The following MARCHF7 variants were observed in gnomAD, a reference collection of about 807,000 sequenced individuals.
The protein encoded by MARCHF7 is E3 ubiquitin-protein ligase MARCHF7.
Under a neutral mutation model 76.5 loss-of-function variants are expected in MARCHF7, and 20 were observed. The ratio of observed to expected loss-of-function variants is 0.26; its 90% confidence interval spans 0.18 to 0.38. The LOEUF (loss-of-function observed/expected upper bound fraction) is 0.38. MARCHF7 is among the 10% of genes least tolerant of loss of function. The pLI is 1.00. For synonymous variants in MARCHF7, 295 were observed against 293.0 expected, an observed-to-expected ratio of 1.01 and a Z score of -0.07; for missense variants, 797 against 812.9, an observed-to-expected ratio of 0.98 and a Z score of 0.24.
chr2:159,738,733 C>A (rs767134584), intron 4 of MARCHF7, among the ~76,000 whole-genome samples: 4 of 152,166 alleles, frequency 2.6e-5, no homozygotes, highest in African/African-American at 4.8e-5. Context: ...AATGGGTGGG[C>A]CTGGGATAAG....
chr2:159,756,010 C>A (rs947076539), intron 8 of MARCHF7, among the ~76,000 whole-genome samples: 3 of 152,158 alleles, frequency 2.0e-5, no homozygotes, highest in Admixed American at 6.5e-5. Flanking sequence ...CTGGAACTGC[C>A]TTTTCTCTGA....
intron 8 of MARCHF7, among the ~76,000 whole-genome samples, chr2:159,755,459 A>T (rs1706178225): frequency 6.6e-6 from 1 of 152,168 alleles, no homozygotes; most frequent in South Asian, 2.1e-4. Flanking sequence ...GGGAATTAAG[A>T]TTTGAAAACA....
At position 159,762,864 on chromosome 2, in the gene MARCHF7, T is replaced by G; in HGVS notation, c.1894-16T>G. 1 of 1,527,412 alleles carries G rather than the reference T, an allele frequency of 6.5e-7. No individual in the cohort carries two copies. The highest frequency in any genetic ancestry group is 9.0e-7 in the Non-Finnish European group (1 of 1,114,208). 94.6% of individuals were successfully genotyped at this position (1,527,412 alleles called of 1,614,324 possible). ...CTCTGTATTTTTCTTTTCTCCTGTT[T>G]GCTTCCCTGTTGAAGGCTGAGTATG... On this transcript the variant is annotated splice_polypyrimidine_tract_variant and intron_variant, in intron 9 of 11. Coordinates refer to ENST00000409175, the MANE Select transcript of MARCHF7 (RefSeq NM_001282805.2).
chr2:159,764,255 T>TGTGTGTGTGTGTGTGTGTGTGCGCGC (rs10592175), intron 10 of MARCHF7, among the ~76,000 whole-genome samples: 19 of 131,474 alleles, frequency 1.4e-4, no homozygotes, highest in East Asian at 4.6e-4. Context: ...TGTGTGTGTG[T>TGTGTGTGTGTGTGTGTGTGTGCGCGC]GCGCGCGCCC....
intron 3 of MARCHF7, among the ~76,000 whole-genome samples, chr2:159,724,258 T>C (rs955378466): frequency 3.9e-5 from 6 of 152,228 alleles, no homozygotes; most frequent in Non-Finnish European, 7.3e-5. Flanking sequence ...ACGTTCTCTT[T>C]GTATGTGACC....
intron 4 of MARCHF7, chr2:159,733,716 C>T (rs1212976051): frequency 9.1e-6 from 9 of 985,168 alleles, no homozygotes; most frequent in Non-Finnish European, 1.1e-5. Context: ...ATGGGAACAC[C>T]TTATATAGTG....
intron 3 of MARCHF7, among the ~76,000 whole-genome samples, chr2:159,723,876 C>CATGT (rs35051258): frequency 0.082 from 12,458 of 152,118 alleles, 601 homozygotes; most frequent in East Asian, 0.14. Context: ...ATGTAGTTTC[C>CATGT]ATGTGATGCT....
At chr2:159,766,949 T>G (rs1337582427) in intron 11 of MARCHF7, among the ~76,000 whole-genome samples, 1 of 152,200 alleles carries the variant, frequency 6.6e-6, no homozygotes, top group Non-Finnish European at 1.5e-5. Context: ...AGTTGACTTT[T>G]TTCCTAGTGT....
At chr2:159,753,625 GGATTTAAATAT>G (rs1705936655) in intron 8 of MARCHF7, among the ~76,000 whole-genome samples, 1 of 152,044 alleles carries the variant, frequency 6.6e-6, no homozygotes, top group Non-Finnish European at 1.5e-5. Context: ...CCCAAATCTT[GGATTTAAATAT>G]GATGGGAAGC....
intron 3 of MARCHF7, among the ~76,000 whole-genome samples, chr2:159,718,445 T>A (rs1329920928): frequency 6.6e-6 from 1 of 152,146 alleles, no homozygotes; most frequent in Non-Finnish European, 1.5e-5. Context: ...TTTGTTAGAC[T>A]GGTTATTTTA....
At chr2:159,734,072 CT>C in intron 4 of MARCHF7, 1 of 1,356,746 alleles carries the variant, frequency 7.4e-7, no homozygotes, top group Non-Finnish European at 9.7e-7. Flanking sequence ...CATCTTATGT[CT>C]TTAGTAACAG....
chr2:159,720,449 A>G (rs556460913), intron 3 of MARCHF7, among the ~76,000 whole-genome samples: 1 of 152,310 alleles, frequency 6.6e-6, no homozygotes, highest in East Asian at 1.9e-4. Flanking sequence ...CTCTTTTTGC[A>G]GTTTCCTGTT....
chr2:159,723,149 A>G (rs1701812702), intron 3 of MARCHF7, among the ~76,000 whole-genome samples: 1 of 152,178 alleles, frequency 6.6e-6, no homozygotes, highest in Non-Finnish European at 1.5e-5. Context: ...GGGCTTTTGC[A>G]TTGTCACTGT....
Position 159,762,991 on chromosome 2 carries a change from C to G in MARCHF7, c.2005C>G (p.Arg669Gly), listed in dbSNP as rs756184632. The change falls in exon 10 of 12, where the codon CGA becomes GGA. Residue 669 changes from arginine (R) to glycine (G), a missense_variant and splice_region_variant. Physicochemically the swap from Arg to Gly is moderately radical, Grantham distance 125. This residue lies in a region of MARCHF7 where 124 missense variants were observed against 121.3 expected (regional missense o/e 1.02). Transcript: ENST00000409175. ...GNTNEPSTRV[R>G]FINLARTLQA... ...TACAAATGAACCAAGCACACGTGTCCGAGTAAGTAATAATGAAGTTGGGGA... is the reference window on the plus strand; with the variant it reads ...TACAAATGAACCAAGCACACGTGTCGGAGTAAGTAATAATGAAGTTGGGGA... The G allele has an allele frequency of 2.2e-5, 36 of 1,605,454 alleles. No individual in the cohort carries two copies. Among genetic ancestry groups the G allele is most frequent in the Non-Finnish European group, 2.9e-5 (34 of 1,174,864 alleles).
At chr2:159,762,719 A>G (rs77699931) in intron 9 of MARCHF7, among the ~76,000 whole-genome samples, 161 bp from the exon 10 acceptor site, 177 of 152,298 alleles carry the variant, frequency 1.2e-3, no homozygotes, top group African/African-American at 4.1e-3. Flanking sequence ...AATTATAAAG[A>G]TATTCTTTTT....
rs1182682467 is a variant in MARCHF7 at position 159,770,462 on chromosome 2, T to A, written c.*3120T>A. ...ATTCATGTGGTCAATAAAAAGAGAC[T>A]ACACAAGCTGGAACTTTGTTGCCAT... On this transcript the variant is annotated 3_prime_UTR_variant, in exon 12 of 12. Coordinates refer to ENST00000409175, the MANE Select transcript of MARCHF7 (RefSeq NM_001282805.2). 6.6e-6 allele frequency: 1 copy of A among 152,180 alleles called. No individual in the cohort carries two copies. Among genetic ancestry groups the A allele is most frequent in the East Asian group, 1.9e-4 (1 of 5,202 alleles). The allele number at this position is 152,180 out of a possible 1,614,324, so 9.4% of individuals were successfully genotyped here. A position where few individuals can be genotyped will look rare whatever the true frequency, so the allele number is the denominator to read the frequency against.
At chr2:159,739,558 A>C (rs1166198330) in intron 4 of MARCHF7, among the ~76,000 whole-genome samples, 2 of 152,234 alleles carry the variant, frequency 1.3e-5, no homozygotes, top group African/African-American at 4.8e-5. Context: ...AGACAGACTT[A>C]TTCCCTGATT....
At chr2:159,751,555 CTT>C (rs1705649315) in intron 7 of MARCHF7, among the ~76,000 whole-genome samples, 1 of 152,188 alleles carries the variant, frequency 6.6e-6, no homozygotes, top group South Asian at 2.1e-4. Flanking sequence ...ATATCCATCT[CTT>C]TTCACAAATC....
intron 8 of MARCHF7, 122 bp from the exon 9 acceptor site, chr2:159,759,104 A>G (rs753720640): frequency 8.2e-6 from 5 of 612,896 alleles, no homozygotes; most frequent in Non-Finnish European, 1.1e-5. Context: ...GAAATGTAAT[A>G]TTTCCTTTTC....
Sources: allele counts gnomAD v4.1 joint callset (sites outside exome capture counted in the v4.1 genomes callset), GRCh38; gene constraint gnomAD v4.1.1; regional missense constraint gnomAD v4.1.1; transcripts MANE v1.5; gene names NCBI Gene and HGNC (gene_info 2026-07-23, HGNC 2026-07-21).